ZBTB20: variants seen among roughly 807,000 people sequenced by gnomAD.
ZBTB20 encodes zinc finger and BTB domain-containing protein 20.
In ZBTB20, 9 loss-of-function variants were observed where a neutral mutation model predicts 56.9. That is an observed-to-expected ratio of 0.16 (90% CI 0.10 to 0.28). ZBTB20 has a LOEUF of 0.28. Ranked by LOEUF, ZBTB20 falls within the 10% of genes least tolerant of loss-of-function variation. The pLI, the probability that ZBTB20 is intolerant of heterozygous loss-of-function variation, is 1.00. For synonymous variants in ZBTB20, 417 were observed against 420.7 expected (o/e 0.99, Z 0.11); for missense variants, 655 against 1,003.0 (o/e 0.65, Z 4.69).
chr3:114,626,677 C>G (rs897745364), intron 6 of ZBTB20, among the ~76,000 whole-genome samples: 1 of 152,154 alleles, frequency 6.6e-6, no homozygotes, highest in African/African-American at 2.4e-5. Context: ...ATTTGGGTAT[C>G]TATGTTGTCA....
chr3:114,743,441 G>T (rs1013296100), intron 5 of ZBTB20: 1 of 153,384 alleles, frequency 6.5e-6, no homozygotes, highest in Non-Finnish European at 1.5e-5. Flanking sequence ...GTAGGAAGAA[G>T]GCCTAAATTT....
intron 6 of ZBTB20, among the ~76,000 whole-genome samples, chr3:114,613,161 G>T (rs544538918): frequency 2.0e-5 from 3 of 152,210 alleles, no homozygotes; most frequent in African/African-American, 7.2e-5. Context: ...CAGATAGGAG[G>T]GTGGGCCTAC....
rs2079538296 is a variant in ZBTB20, at chr3:114,338,474, C to T, written c.*531G>A. 1.3e-5 allele frequency: 2 copies of T among 152,286 alleles called. No individual in the cohort carries two copies. The highest frequency in any genetic ancestry group is 4.8e-5 in the African/African-American group (2 of 41,406). The allele number at this position is 152,286 out of a possible 1,614,324, so 9.4% of individuals were successfully genotyped here. A position where few individuals can be genotyped will look rare whatever the true frequency, so the allele number is the denominator to read the frequency against. On this transcript the variant is annotated 3_prime_UTR_variant, in exon 12 of 12. Coordinates refer to ENST00000675478, the MANE Select transcript of ZBTB20 (RefSeq NM_001348800.3). ...ACGTGGTAGGTGGAAAACAGCAGGG[C>T]CTTTCCTCTGGGTTTTCAACCAGAA...
Position 114,351,374 on chromosome 3 carries a change from T to G in ZBTB20, c.704A>C (p.His235Pro). 2 of 1,611,478 alleles carry G rather than the reference T, an allele frequency of 1.2e-6. No homozygotes were observed. The highest frequency in any genetic ancestry group is 2.2e-5 in the South Asian group (2 of 91,030). The stretch of plus-strand genomic sequence containing the variant: ...GATCCTGTCCACGCTGTGCTGTGGG[T>G]GGCTCTGCAGGTAGCCCGACTCCGT... ...SDTESGYLQSHPQHSVDRIYS... is the reference protein window; with the variant it reads ...SDTESGYLQSPPQHSVDRIYS... The change falls in exon 11 of 12, where the codon CAC (histidine) becomes CCC (proline). Residue 235 changes from histidine to proline, a missense_variant. Physicochemically the swap from His to Pro is moderately conservative, Grantham distance 77 (BLOSUM62 -2). This residue lies in a region of ZBTB20 where 167 missense variants were observed against 281.9 expected (regional missense o/e 0.59). Coordinates refer to ENST00000675478, the MANE Select transcript of ZBTB20 (RefSeq NM_001348800.3).
intron 1 of ZBTB20, among the ~76,000 whole-genome samples, chr3:115,118,593 G>C (rs1373706415): frequency 6.6e-6 from 1 of 150,726 alleles, no homozygotes; most frequent in Non-Finnish European, 1.5e-5. Flanking sequence ...CTAAGAAAGT[G>C]ACATCTAATG....
chr3:114,327,907 TG>T lies in ZBTB20; in HGVS notation c.*11097del, dbSNP rs1463387141. The T allele has an allele frequency of 6.6e-6, 1 of 152,146 alleles. No individual in the cohort carries two copies. The highest frequency in any genetic ancestry group is 1.5e-5 in the Non-Finnish European group (1 of 68,014). The allele number at this position is 152,146 out of a possible 1,614,324, so 9.4% of individuals were successfully genotyped here. A position where few individuals can be genotyped will look rare whatever the true frequency, so the allele number is the denominator to read the frequency against. ...CTGTGTTACGAAGTTGTTGTGAATG[TG>T]ATATTATAAGCATCCTGAAAAGGAT... is the stretch of plus-strand genomic sequence containing the variant. On this transcript the variant is annotated 3_prime_UTR_variant, in exon 12 of 12. Transcript: ENST00000675478.
In ZBTB20 at chr3:114,316,159, A is replaced by G; in HGVS notation, c.*22846T>C. The G allele has an allele frequency of 4.0e-6, 1 of 247,172 alleles. No individual in the cohort carries two copies. The highest frequency in any genetic ancestry group is 7.8e-6 in the Non-Finnish European group (1 of 128,462). The allele number at this position is 247,172 out of a possible 1,614,324, so 15.3% of individuals were successfully genotyped here. A position where few individuals can be genotyped will look rare whatever the true frequency, so the allele number is the denominator to read the frequency against. The stretch of plus-strand genomic sequence containing the variant: ...TTTCATAGCCAGAAACTGAAATCAA[A>G]TCAACATGACTAAAAGAAATAACTG... On this transcript the variant is annotated 3_prime_UTR_variant, in exon 12 of 12. Coordinates refer to ENST00000675478, the MANE Select transcript of ZBTB20 (RefSeq NM_001348800.3).
chr3:114,483,313 A>G (rs1331124640), intron 7 of ZBTB20, among the ~76,000 whole-genome samples: 1 of 152,212 alleles, frequency 6.6e-6, no homozygotes, highest in South Asian at 2.1e-4. Context: ...GTTGCTTCAA[A>G]TATGCAGAAA....
At chr3:114,468,501 C>T (rs1417791900) in intron 7 of ZBTB20, among the ~76,000 whole-genome samples, 1 of 152,110 alleles carries the variant, frequency 6.6e-6, no homozygotes, top group African/African-American at 2.4e-5. Context: ...TCTTCTCCTA[C>T]AACATAGGAA....
At chr3:114,958,969 C>T (rs1428778232) in intron 3 of ZBTB20, among the ~76,000 whole-genome samples, 1 of 152,088 alleles carries the variant, frequency 6.6e-6, no homozygotes, top group Non-Finnish European at 1.5e-5. Context: ...GATTTTCACA[C>T]ATAAATTTTC....
chr3:114,924,815 T>C (rs2076090354), intron 3 of ZBTB20, among the ~76,000 whole-genome samples: 1 of 152,110 alleles, frequency 6.6e-6, no homozygotes, highest in African/African-American at 2.4e-5. Context: ...TTATTTTTTA[T>C]CCACTCTTTT....
At chr3:114,462,171 C>A (rs971192921) in intron 7 of ZBTB20, among the ~76,000 whole-genome samples, 5 of 152,048 alleles carry the variant, frequency 3.3e-5, no homozygotes, top group African/African-American at 1.2e-4. Context: ...ATCCTAGGAC[C>A]ACATTGTTGG....
At chr3:114,888,033 C>A (rs944177216) in intron 4 of ZBTB20, among the ~76,000 whole-genome samples, 1 of 151,042 alleles carries the variant, frequency 6.6e-6, no homozygotes, top group South Asian at 2.1e-4. Context: ...AGTGATGCAA[C>A]ATCTTCTGAT....
At chr3:114,964,460 T>C (rs1294335211) in intron 3 of ZBTB20, among the ~76,000 whole-genome samples, 1 of 152,072 alleles carries the variant, frequency 6.6e-6, no homozygotes, top group Non-Finnish European at 1.5e-5. Flanking sequence ...TATGCTACAA[T>C]ATGGTAAATC....
At chr3:114,703,811 C>A (rs944334878) in intron 5 of ZBTB20, among the ~76,000 whole-genome samples, 1 of 152,122 alleles carries the variant, frequency 6.6e-6, no homozygotes, top group Non-Finnish European at 1.5e-5. Flanking sequence ...TCCTTAAAGA[C>A]TTCAGAGGGG....
intron 6 of ZBTB20, among the ~76,000 whole-genome samples, chr3:114,549,729 CAG>C (rs529969449): frequency 6.7e-4 from 101 of 150,780 alleles, no homozygotes; most frequent in African/African-American, 2.4e-3. Context: ...GTTGATTTCA[CAG>C]AGTTACAAGT....
chr3:114,344,593 A>T (rs2080043572), intron 11 of ZBTB20, among the ~76,000 whole-genome samples: 2 of 152,236 alleles, frequency 1.3e-5, no homozygotes, highest in Admixed American at 1.3e-4. Flanking sequence ...AGTACTACAG[A>T]TCTGAAAAAC....
chr3:114,358,512 T>G (rs910267352), intron 10 of ZBTB20, among the ~76,000 whole-genome samples: 1 of 152,206 alleles, frequency 6.6e-6, no homozygotes, highest in Admixed American at 6.5e-5. Flanking sequence ...GAGAAAGTAA[T>G]TCCAGAAAAG....
At chr3:115,063,652 AAC>A (rs67995178) in intron 2 of ZBTB20, among the ~76,000 whole-genome samples, 70,044 of 149,336 alleles carry the variant, frequency 0.47, 16,650 homozygotes, top group African/African-American at 0.52. Context: ...TTGTCAAAGC[AAC>A]ACACACACAC....
Sources: gnomAD v4.1 joint callset for allele counts (sites outside exome capture counted in the v4.1 genomes callset) on GRCh38, gnomAD v4.1.1 for gene constraint, gnomAD v4.1.1 regional missense constraint, MANE v1.5 for transcripts, NCBI Gene and HGNC (gene_info 2026-07-23, HGNC 2026-07-21) for gene names.